Variants in SLC14A2 observed in about 807,000 individuals in gnomAD.
SLC14A2 encodes the protein urea transporter 2.
Under a neutral mutation model 104.6 loss-of-function variants are expected in SLC14A2, and 91 were observed. The observed-to-expected ratio is 0.87, with a 90% CI of 0.73 to 1.04. The LOEUF (loss-of-function observed/expected upper bound fraction) is 1.04, where lower values mean the gene tolerates loss of function less well. Ranked by LOEUF, SLC14A2 falls within the 50% of genes least tolerant of loss-of-function variation. The probability of loss-of-function intolerance (pLI) is 0.00; values close to 1 mark genes in which losing one functional copy is unlikely to be tolerated. For synonymous variants in SLC14A2, 476 were observed against 466.4 expected, an observed-to-expected ratio of 1.02 and a Z score of -0.27; for missense variants, 1,189 against 1,156.0, an observed-to-expected ratio of 1.03 and a Z score of -0.41.
intron 1 of SLC14A2, among the ~76,000 whole-genome samples, chr18:45,474,399 G>T (rs567948256): frequency 2.6e-5 from 4 of 152,312 alleles, no homozygotes; most frequent in African/African-American, 9.6e-5. Context: ...AGTAAAATGA[G>T]TTAGGGAGGG....
intron 1 of SLC14A2, among the ~76,000 whole-genome samples, chr18:45,369,225 G>A (rs1325703562): frequency 1.3e-5 from 2 of 152,198 alleles, no homozygotes; most frequent in Non-Finnish European, 2.9e-5. Flanking sequence ...GATGAGGGCA[G>A]TTTAGTCTCC....
chr18:45,313,517 T>C (rs1250825295), intron 1 of SLC14A2, among the ~76,000 whole-genome samples: 1 of 152,220 alleles, frequency 6.6e-6, no homozygotes, highest in Non-Finnish European at 1.5e-5. Flanking sequence ...ATAGACCTAA[T>C]GAGAGAATTA....
At chr18:45,391,053 A>G (rs954103195) in intron 1 of SLC14A2, among the ~76,000 whole-genome samples, 2 of 152,068 alleles carry the variant, frequency 1.3e-5, no homozygotes, top group Non-Finnish European at 2.9e-5. Flanking sequence ...AACATTAGGT[A>G]TATCTCCTAA....
At chr18:45,341,389 T>C (rs900279422) in intron 1 of SLC14A2, among the ~76,000 whole-genome samples, 1 of 152,186 alleles carries the variant, frequency 6.6e-6, no homozygotes, top group Admixed American at 6.5e-5. Flanking sequence ...CACAGAGTGG[T>C]GAAAAATTAC....
chr18:45,357,710 G>T (rs1444438013), intron 1 of SLC14A2, among the ~76,000 whole-genome samples: 1 of 152,142 alleles, frequency 6.6e-6, no homozygotes, highest in Non-Finnish European at 1.5e-5. Flanking sequence ...ATAGGCCTGA[G>T]ATGAGCCATC....
intron 1 of SLC14A2, among the ~76,000 whole-genome samples, chr18:45,316,974 C>T (rs764110059): frequency 1.4e-4 from 22 of 152,218 alleles, no homozygotes; most frequent in Non-Finnish European, 3.1e-4. Context: ...CACAGCAAAC[C>T]TATGAACTGG....
intron 2 of SLC14A2, among the ~76,000 whole-genome samples, chr18:45,575,980 A>C (rs535870545): frequency 9.2e-5 from 14 of 152,280 alleles, no homozygotes; most frequent in Non-Finnish European, 1.9e-4. Flanking sequence ...ATCTTGCTCT[A>C]ACTTGAAGGA....
intron 1 of SLC14A2, among the ~76,000 whole-genome samples, chr18:45,236,925 A>G (rs1481020046): frequency 6.6e-6 from 1 of 152,010 alleles, no homozygotes; most frequent in Non-Finnish European, 1.5e-5. Context: ...TAAACATCTG[A>G]AACTGTTGGT....
intron 1 of SLC14A2, among the ~76,000 whole-genome samples, chr18:45,401,152 G>A (rs1391957935): frequency 3.3e-5 from 5 of 152,158 alleles, no homozygotes; most frequent in African/African-American, 1.2e-4. Flanking sequence ...TCATTAAAAT[G>A]TCACCTTATG....
intron 1 of SLC14A2, among the ~76,000 whole-genome samples, chr18:45,363,077 C>T (rs113479320): frequency 7.9e-5 from 12 of 152,310 alleles, no homozygotes; most frequent in Admixed American, 1.3e-4. Context: ...CCCCAACCCT[C>T]GGCCAAATCA....
chr18:45,350,711 T>C (rs2144305604), intron 1 of SLC14A2, among the ~76,000 whole-genome samples: 1 of 152,108 alleles, frequency 6.6e-6, no homozygotes, highest in South Asian at 2.1e-4. Context: ...CAGCACAGTG[T>C]TATTTAAATA....
intron 1 of SLC14A2, among the ~76,000 whole-genome samples, chr18:45,375,606 C>G (rs1465344597): frequency 6.6e-6 from 1 of 152,220 alleles, no homozygotes; most frequent in Non-Finnish European, 1.5e-5. Flanking sequence ...TCCTGCACGG[C>G]CGGCTCTGCA....
rs79009820 is a variant in SLC14A2 at position 45,369,298 on chromosome 18, T to C, written c.-124-113935T>C. Among the ~76,000 whole-genome samples the C allele has an allele frequency of 2.0e-5, 3 of 152,330 alleles. No individual in the cohort carries two copies. In the South Asian group the frequency reaches 6.2e-4, roughly 32 times the overall value. On this transcript the variant is annotated intron_variant, in intron 1 of 20. Transcript: ENST00000586448. ...ATCTTTCTACCTATGCACTTCTCTTTAGGGTTAAACAATAAGGGTGTTTGT... is the reference window on the plus strand; with the variant it reads ...ATCTTTCTACCTATGCACTTCTCTTCAGGGTTAAACAATAAGGGTGTTTGT...
Position 45,593,189 on chromosome 18 carries a change from C to T in SLC14A2, c.-34-31442C>T, listed in dbSNP as rs537985088. ...AAAAATTAGCCGGGCGTGGTGGCGG[C>T]GCCTGTAGTCCCAGCTACTCGGGAG... is the stretch of plus-strand genomic sequence containing the variant. On this transcript the variant is annotated intron_variant, in intron 2 of 20. Transcript: ENST00000586448. Among the ~76,000 whole-genome samples, 24 of 151,954 alleles carry T rather than the reference C, an allele frequency of 1.6e-4. No homozygotes were observed. In the South Asian group the frequency reaches 3.3e-3, roughly 21 times the overall value.
At chr18:45,225,726 T>A (rs1267389771) in intron 1 of SLC14A2, among the ~76,000 whole-genome samples, 1 of 151,310 alleles carries the variant, frequency 6.6e-6, no homozygotes, top group African/African-American at 2.4e-5. Flanking sequence ...GTTGGATTCC[T>A]AGGTATTTTA....
chr18:45,652,942 T>C (rs1406935382), intron 10 of SLC14A2, among the ~76,000 whole-genome samples: 1 of 152,072 alleles, frequency 6.6e-6, no homozygotes, highest in East Asian at 1.9e-4. Flanking sequence ...TTCCTGTCTT[T>C]TCAAATTAAT....
In SLC14A2 at chr18:45,353,652, A is replaced by G. The variant is rs185833502; in HGVS notation, c.-124-129581A>G. Among the ~76,000 whole-genome samples, 47 of 152,302 alleles carry G rather than the reference A, an allele frequency of 3.1e-4. No homozygotes were observed. The East Asian group carries it at 7.7e-3, about 25-fold the overall frequency. ...CTTCCCACCACATCGTTAAGCCTCA[A>G]TGGGACAACAATAAGAATGCATACT... On this transcript the variant is annotated intron_variant, in intron 1 of 20. Coordinates refer to the SLC14A2 transcript ENST00000586448.
chr18:45,180,716 T>G, the SLC14A2 span, among the ~76,000 whole-genome samples: 3 of 152,216 alleles, frequency 2.0e-5, no homozygotes, highest in East Asian at 1.9e-4. Context: ...TCCATGTTTT[T>G]CTTTAATAGT....
intron 19 of SLC14A2, among the ~76,000 whole-genome samples, chr18:45,681,924 G>T (rs16978448): frequency 0.028 from 4,323 of 152,296 alleles, 139 homozygotes; most frequent in African/African-American, 0.082. Flanking sequence ...GCTACCAAAT[G>T]GCTGCCAAAG....
Sources: allele counts gnomAD v4.1 joint callset (sites outside exome capture counted in the v4.1 genomes callset), GRCh38; gene constraint gnomAD v4.1.1; transcripts MANE v1.5; gene names NCBI Gene and HGNC (gene_info 2026-07-23, HGNC 2026-07-21).